FBXO8: variants seen among roughly 807,000 people sequenced by gnomAD.
FBXO8 encodes the protein F-box protein 8.
Under a neutral mutation model 33.4 loss-of-function variants are expected in FBXO8, and 15 were observed. The ratio of observed to expected loss-of-function variants is 0.45; its 90% CI spans 0.30 to 0.69. The LOEUF is 0.69. Ranked by LOEUF, FBXO8 falls within the 30% of genes least tolerant of loss-of-function variation. The pLI, the probability that FBXO8 is intolerant of heterozygous loss-of-function variation, is 0.08. For missense variants in FBXO8, 274 were observed against 380.3 expected, an observed-to-expected ratio of 0.72 and a Z score of 2.32; for synonymous variants, 132 against 131.5, an observed-to-expected ratio of 1.00 and a Z score of -0.02.
Position 174,253,064 on chromosome 4 carries a change from T to C in FBXO8, c.456+6635A>G, listed in dbSNP as rs2126426391. Among the ~76,000 whole-genome samples, 1 of 152,300 alleles carries C rather than the reference T, an allele frequency of 6.6e-6. No homozygotes were observed. Among genetic ancestry groups the C allele is most frequent in the East Asian group, 1.9e-4 (1 of 5,168 alleles). On this transcript the variant is annotated intron_variant, in intron 3 of 5. Transcript: ENST00000393674. The surrounding 1 kb of genome is among the most constrained non-coding windows in gnomAD (Gnocchi z 4.5). ...AGATTACACGGATGCCATAAAAGCA[T>C]CCTTCAAGGTGAATGGAGCTTGGAA...
chr4:174,269,516 C>T (rs1170502140), intron 1 of FBXO8, among the ~76,000 whole-genome samples: 1 of 151,908 alleles, frequency 6.6e-6, no homozygotes, highest in Non-Finnish European at 1.5e-5. Flanking sequence ...CGAACCTCGT[C>T]TCCACTAAAA....
chr4:174,249,841 T>C (rs1224468334), intron 3 of FBXO8, among the ~76,000 whole-genome samples: 2 of 151,976 alleles, frequency 1.3e-5, no homozygotes, highest in East Asian at 3.9e-4. Context: ...AGATTGCATA[T>C]ACATGTCAGA....
At position 174,251,699 on chromosome 4, in the gene FBXO8, G is replaced by A. The variant is rs970346333; in HGVS notation, c.456+8000C>T. ...ACCATTTGACTAATTGTAGCTAGTCGCTTGAAGGTATTAAGTTGTCTAGGC... is the reference window on the plus strand; with the variant it reads ...ACCATTTGACTAATTGTAGCTAGTCACTTGAAGGTATTAAGTTGTCTAGGC... On this transcript the variant is annotated intron_variant, in intron 3 of 5. Coordinates refer to ENST00000393674, the MANE Select transcript of FBXO8 (RefSeq NM_012180.3). This position sits in a 1 kb window ranked among gnomAD's most constrained non-coding sequence, Gnocchi z 4.2. Among the ~76,000 whole-genome samples the A allele has an allele frequency of 1.3e-5, 2 of 152,070 alleles. No homozygotes were observed. The highest frequency in any genetic ancestry group is 2.4e-5 in the African/African-American group (1 of 41,414).
intron 3 of FBXO8, among the ~76,000 whole-genome samples, chr4:174,249,803 T>C (rs1198588605): frequency 5.3e-5 from 8 of 151,998 alleles, no homozygotes; most frequent in African/African-American, 1.4e-4. Context: ...GCAGCACTAC[T>C]GAAACAAAAT....
chr4:174,262,546 C>A lies in FBXO8; in HGVS notation c.329+218G>T, dbSNP rs1394548006. On this transcript the variant is annotated intron_variant, in intron 2 of 5. Transcript: ENST00000393674. The surrounding 1 kb of genome is among the most constrained non-coding windows in gnomAD (Gnocchi z 4.6). ...GCCTGATTGGTAACCTCTCTTCTAA[C>A]TGTAAAGTTATTATTCTATTTTCTA... 6.6e-6 allele frequency among the ~76,000 whole-genome samples: 1 copy of A among 152,134 alleles called. No individual in the cohort carries two copies. The highest frequency in any genetic ancestry group is 1.5e-5 in the Non-Finnish European group (1 of 68,012).
At position 174,256,052 on chromosome 4, in the gene FBXO8, C is replaced by G. The variant is rs768241588; in HGVS notation, c.456+3647G>C. 2 of 455,800 alleles carry G rather than the reference C, an allele frequency of 4.4e-6. No individual in the cohort carries two copies. Among genetic ancestry groups the G allele is most frequent in the Non-Finnish European group, 8.8e-6 (2 of 226,732 alleles). The allele number at this position is 455,800 out of a possible 1,614,324, so 28.2% of individuals were successfully genotyped here. Reference sequence around the variant, plus strand: ...CACAAACTGTGCAGATGTTCTCCCCCACCCCATGAGCCACTGCCAGCAGCT... The same window carrying G: ...CACAAACTGTGCAGATGTTCTCCCCGACCCCATGAGCCACTGCCAGCAGCT... On this transcript the variant is annotated intron_variant, in intron 3 of 5. Coordinates refer to ENST00000393674, the MANE Select transcript of FBXO8 (RefSeq NM_012180.3). The surrounding 1 kb of genome is among the most constrained non-coding windows in gnomAD (Gnocchi z 4.6).
chr4:174,258,184 A>G (rs1247979432), intron 3 of FBXO8, among the ~76,000 whole-genome samples: 1 of 152,188 alleles, frequency 6.6e-6, no homozygotes, highest in Non-Finnish European at 1.5e-5. Context: ...TTGTAAGAGC[A>G]GGTATGCCAC....
rs1023675456 is a variant in FBXO8, at chr4:174,251,698, C to T, written c.456+8001G>A. ...CACCATTTGACTAATTGTAGCTAGT[C>T]GCTTGAAGGTATTAAGTTGTCTAGG... On this transcript the variant is annotated intron_variant, in intron 3 of 5. Transcript: ENST00000393674. The surrounding 1 kb of genome is among the most constrained non-coding windows in gnomAD (Gnocchi z 4.2). Among the ~76,000 whole-genome samples the T allele has an allele frequency of 6.6e-6, 1 of 152,064 alleles. No homozygotes were observed. Among genetic ancestry groups the T allele is most frequent in the African/African-American group, 2.4e-5 (1 of 41,402 alleles).
In FBXO8 at chr4:174,274,679, C is replaced by A. The variant is rs1197319455; in HGVS notation, c.-9+8731G>T. Among the ~76,000 whole-genome samples the A allele has an allele frequency of 6.6e-6, 1 of 152,110 alleles. No homozygotes were observed. The stretch of plus-strand genomic sequence containing the variant: ...AATAAACCCAGTATCAAACACAGTG[C>A]CTTGGCATATAAAGTGCTCAGAAAA... On this transcript the variant is annotated intron_variant, in intron 1 of 5. Transcript: ENST00000393674. This position sits in a 1 kb window ranked among gnomAD's most constrained non-coding sequence, Gnocchi z 4.0.
At position 174,275,609 on chromosome 4, in the gene FBXO8, T is replaced by C. The variant is rs141528274; in HGVS notation, c.-9+7801A>G. ...TTTAAAGTGAATGAATTTTATTGTATGTAAATGATACCTTAATAAAGATGT... is the reference window on the plus strand; with the variant it reads ...TTTAAAGTGAATGAATTTTATTGTACGTAAATGATACCTTAATAAAGATGT... On this transcript the variant is annotated intron_variant, in intron 1 of 5. Transcript: ENST00000393674. The surrounding 1 kb of genome is among the most constrained non-coding windows in gnomAD (Gnocchi z 4.4). Among the ~76,000 whole-genome samples the C allele has an allele frequency of 0.013, 1,972 of 152,272 alleles. 35 individuals carry two copies. Among genetic ancestry groups the C allele is most frequent in the African/African-American group, 0.044 (1,814 of 41,556 alleles).
rs1167196253 is a variant in FBXO8, at chr4:174,259,881, T to C, written c.330-56A>G. On this transcript the variant is annotated intron_variant, in intron 2 of 5. Transcript: ENST00000393674. The surrounding 1 kb of genome is among the most constrained non-coding windows in gnomAD (Gnocchi z 4.3). The stretch of plus-strand genomic sequence containing the variant: ...ACATTACTACATTTAATTTCCTAAG[T>C]TAAATATGCATATACATGCAAAAAT... The C allele has an allele frequency of 6.7e-7, 1 of 1,482,190 alleles. No homozygotes were observed. The highest frequency in any genetic ancestry group is 9.0e-7 in the Non-Finnish European group (1 of 1,106,640). 91.8% of individuals were successfully genotyped at this position (1,482,190 alleles called of 1,614,324 possible).
intron 4 of FBXO8, among the ~76,000 whole-genome samples, chr4:174,239,800 TAATATA>T (rs144787476): frequency 0.019 from 2,813 of 151,844 alleles, 43 homozygotes; most frequent in Non-Finnish European, 0.026. Context: ...TTATTTGCTA[TAATATA>T]AATATATGTG....
intron 3 of FBXO8, among the ~76,000 whole-genome samples, chr4:174,248,107 G>C (rs1245176654): frequency 6.6e-6 from 1 of 152,000 alleles, no homozygotes; most frequent in East Asian, 1.9e-4. Context: ...TTAAGACTAG[G>C]TGTCTATGTT....
chr4:174,276,326 C>CAA (rs1250123995), intron 1 of FBXO8, among the ~76,000 whole-genome samples: 7 of 152,056 alleles, frequency 4.6e-5, no homozygotes, highest in Non-Finnish European at 1.0e-4. Flanking sequence ...CAACCTCTGC[C>CAA]TCCTGGGTTC....
chr4:174,268,514 G>A (rs1239943477), intron 1 of FBXO8, among the ~76,000 whole-genome samples: 1 of 152,102 alleles, frequency 6.6e-6, no homozygotes, highest in African/African-American at 2.4e-5. Flanking sequence ...CTCACTGCAA[G>A]TTCCGCCTCC....
chr4:174,237,492 G>A lies in FBXO8; in HGVS notation c.880C>T (p.Arg294Cys). Residue 294 changes from arginine to cysteine, a missense_variant, in exon 6 of 6, where the codon CGC (arginine) becomes TGC (cysteine). Arg to Cys is a radical substitution (Grantham distance 180). Transcript: ENST00000393674. This position sits in a 1 kb window ranked among gnomAD's most constrained non-coding sequence, Gnocchi z 4.4. ...SKREFIRNTR[R>C]AAQNISEDFV... ...TCTTCACTAATATTTTGAGCAGCGC[G>A]ACGGGTATTTCGAATAAATTCCCTT... The A allele has an allele frequency of 2.5e-6, 4 of 1,613,790 alleles. No individual in the cohort carries two copies. Among genetic ancestry groups the A allele is most frequent in the Non-Finnish European group, 2.5e-6 (3 of 1,179,738 alleles).
At position 174,272,106 on chromosome 4, in the gene FBXO8, T is replaced by A. The variant is rs532154323; in HGVS notation, c.-8-9006A>T. ...TCAAAACAAAACAAAAGCAATGGGA[T>A]AACGTCAAAAGGACATTAGGAGCTA... is the stretch of plus-strand genomic sequence containing the variant. On this transcript the variant is annotated intron_variant, in intron 1 of 5. Coordinates refer to ENST00000393674, the MANE Select transcript of FBXO8 (RefSeq NM_012180.3). This position sits in a 1 kb window ranked among gnomAD's most constrained non-coding sequence, Gnocchi z 4.7. Among the ~76,000 whole-genome samples the A allele has an allele frequency of 3.2e-4, 49 of 152,324 alleles. No individual in the cohort carries two copies. In the South Asian group the frequency reaches 0.01, roughly 32 times the overall value.
rs1038794638 is a variant in FBXO8, at chr4:174,256,514, T to C, written c.456+3185A>G. On this transcript the variant is annotated intron_variant, in intron 3 of 5. Coordinates refer to ENST00000393674, the MANE Select transcript of FBXO8 (RefSeq NM_012180.3). This position sits in a 1 kb window ranked among gnomAD's most constrained non-coding sequence, Gnocchi z 4.6. Reference sequence around the variant, plus strand: ...ATAAGTGCTATATAAGAACATTTATTAGGATGGATCTTTCACTTACATGAT... The same window carrying C: ...ATAAGTGCTATATAAGAACATTTATCAGGATGGATCTTTCACTTACATGAT... 6.6e-6 allele frequency among the ~76,000 whole-genome samples: 1 copy of C among 152,170 alleles called. No homozygotes were observed. Among genetic ancestry groups the C allele is most frequent in the Non-Finnish European group, 1.5e-5 (1 of 68,032 alleles).
chr4:174,283,554 A>G lies in FBXO8; in HGVS notation c.-153T>C. ...AAACTTTACTTGTCCACACCGGTAG[A>G]GGTGACCGCGATGAGAATACCAGAA... On this transcript the variant is annotated 5_prime_UTR_variant, in exon 1 of 6. Coordinates refer to ENST00000393674, the MANE Select transcript of FBXO8 (RefSeq NM_012180.3). This position sits in a 1 kb window ranked among gnomAD's most constrained non-coding sequence, Gnocchi z 6.7. 1 of 224,496 alleles carries G rather than the reference A, an allele frequency of 4.5e-6. No individual in the cohort carries two copies. The allele number at this position is 224,496 out of a possible 1,614,324, so 13.9% of individuals were successfully genotyped here. A position where few individuals can be genotyped will look rare whatever the true frequency, so the allele number is the denominator to read the frequency against.
Sources: gnomAD v4.1 joint callset for allele counts (sites outside exome capture counted in the v4.1 genomes callset) on GRCh38, gnomAD v4.1.1 for gene constraint, Gnocchi (gnomAD v3.1) non-coding constraint, MANE v1.5 for transcripts, NCBI Gene and HGNC (gene_info 2026-07-23, HGNC 2026-07-21) for gene names.